Variants in ERC1 observed in about 807,000 individuals in gnomAD.
The protein encoded by ERC1 is RAB6 interacting protein 2.
Under a neutral mutation model 132.0 loss-of-function variants are expected in ERC1, and 56 were observed. The observed-to-expected ratio is 0.42, with a 90% confidence interval of 0.34 to 0.53. The LOEUF (loss-of-function observed/expected upper bound fraction) is 0.53. Ranked by LOEUF, ERC1 falls within the 20% of genes least tolerant of loss-of-function variation. The pLI, the probability that ERC1 is intolerant of heterozygous loss-of-function variation, is 0.03. For synonymous variants in ERC1, 478 were observed against 476.1 expected (o/e 1.00, Z -0.05); for missense variants, 1,202 against 1,349.9 (o/e 0.89, Z 1.72).
chr12:1,150,768 A>G (rs1407091084), intron 8 of ERC1, among the ~76,000 whole-genome samples: 5 of 152,232 alleles, frequency 3.3e-5, no homozygotes, highest in Non-Finnish European at 7.3e-5. Flanking sequence ...ACTGACTAGT[A>G]GTATTCAAAA....
intron 2 of ERC1, among the ~76,000 whole-genome samples, chr12:1,060,302 A>G (rs1215459087): frequency 1.3e-5 from 2 of 151,658 alleles, no homozygotes; most frequent in Non-Finnish European, 2.9e-5. Context: ...CATTAGGTAT[A>G]TCTCCTAATG....
intron 15 of ERC1, among the ~76,000 whole-genome samples, chr12:1,292,928 C>T (rs2079560182): frequency 6.6e-6 from 1 of 151,876 alleles, no homozygotes; most frequent in Admixed American, 6.6e-5. Context: ...TGGTGGATCA[C>T]AAGGTCAGGA....
At chr12:1,321,148 A>G (rs2082090463) in intron 15 of ERC1, among the ~76,000 whole-genome samples, 1 of 152,246 alleles carries the variant, frequency 6.6e-6, no homozygotes, top group Non-Finnish European at 1.5e-5. Flanking sequence ...AGTTAGAACT[A>G]AAATTAAGGG....
At chr12:1,190,096 G>A in intron 12 of ERC1, 44 bp downstream of exon 12, 1 of 1,512,948 alleles carries the variant, frequency 6.6e-7, no homozygotes, top group Non-Finnish European at 9.2e-7. Context: ...TTAAAGTATG[G>A]TTTTAAAAGT....
At position 1,460,958 on chromosome 12, in the gene ERC1, C is replaced by CTTTTTTTTTTTTTTTTTT. The variant is rs35505633; in HGVS notation, c.3213+16214_3213+16231dup. On this transcript the variant is annotated intron_variant, in intron 18 of 18. Coordinates refer to ENST00000360905, the MANE Select transcript of ERC1 (RefSeq NM_178040.4). ...GACTTGCCTAAACGATGAGGAGGCC[C>CTTTTTTTTTTTTTTTTTT]TTTTTTTTTTTTTTTTTTTTTTTCA... 2.7e-3 allele frequency among the ~76,000 whole-genome samples: 173 copies of CTTTTTTTTTTTTTTTTTT among 64,960 alleles called. 6 individuals carry two copies. Among genetic ancestry groups the CTTTTTTTTTTTTTTTTTT allele is most frequent in the Non-Finnish European group, 2.9e-3 (112 of 38,220 alleles). 42.6% of individuals were successfully genotyped at this position (64,960 alleles called of 152,430 possible).
At chr12:1,349,838 C>A (rs932849014) in intron 15 of ERC1, among the ~76,000 whole-genome samples, 5 of 152,094 alleles carry the variant, frequency 3.3e-5, no homozygotes, top group African/African-American at 1.2e-4. Flanking sequence ...GGTTAGACTT[C>A]CAGCTTTCCT....
intron 13 of ERC1, among the ~76,000 whole-genome samples, chr12:1,255,283 C>T (rs1003914412): frequency 1.3e-5 from 2 of 152,146 alleles, no homozygotes; most frequent in African/African-American, 4.8e-5. Context: ...GCTTATCCTT[C>T]TTTATGGCTG....
intron 1 of ERC1, among the ~76,000 whole-genome samples, chr12:1,010,669 C>G (rs1964535112): frequency 1.3e-5 from 2 of 151,534 alleles, no homozygotes; most frequent in Non-Finnish European, 2.9e-5. Context: ...TACCAGCACA[C>G]CTGGCTAATT....
chr12:1,030,521 T>G (rs1311359769), intron 2 of ERC1, among the ~76,000 whole-genome samples: 1 of 152,110 alleles, frequency 6.6e-6, no homozygotes, highest in Non-Finnish European at 1.5e-5. Flanking sequence ...GCCAGGAGTT[T>G]GAGACTAGCC....
intron 16 of ERC1, among the ~76,000 whole-genome samples, chr12:1,403,311 A>G (rs2091228927): frequency 6.6e-6 from 1 of 152,232 alleles, no homozygotes. Flanking sequence ...TCAAGAGGAA[A>G]AACATTTGGA....
chr12:1,021,591 C>T (rs543222740), intron 1 of ERC1, among the ~76,000 whole-genome samples: 4 of 151,406 alleles, frequency 2.6e-5, no homozygotes, highest in African/African-American at 7.3e-5. Context: ...CCCAGCTACT[C>T]GGGAGGCTGA....
intron 2 of ERC1, 119 bp downstream of exon 2, chr12:1,028,691 T>C (rs1446525824): frequency 1.3e-5 from 11 of 867,012 alleles, no homozygotes; most frequent in Non-Finnish European, 1.9e-5. Flanking sequence ...TTTTTCCTAT[T>C]GATTTTACTG....
At chr12:1,159,336 C>G (rs1951682095) in intron 8 of ERC1, among the ~76,000 whole-genome samples, 2 of 152,142 alleles carry the variant, frequency 1.3e-5, no homozygotes, top group South Asian at 4.1e-4. Context: ...ACCTAGATCC[C>G]TCGAATGCAC....
chr12:1,114,108 C>CT (rs1311001486), intron 6 of ERC1, among the ~76,000 whole-genome samples: 1 of 152,160 alleles, frequency 6.6e-6, no homozygotes, highest in African/African-American at 2.4e-5. Context: ...ACTGCAACCT[C>CT]TGACTCCCTG....
chr12:1,328,400 T>C (rs2082613302), intron 15 of ERC1, among the ~76,000 whole-genome samples: 1 of 151,290 alleles, frequency 6.6e-6, no homozygotes, highest in Admixed American at 6.6e-5. Context: ...TACCATGGCC[T>C]CCCAAAGTGC....
At chr12:1,457,760 G>A (rs1205774507) in intron 18 of ERC1, among the ~76,000 whole-genome samples, 1 of 152,132 alleles carries the variant, frequency 6.6e-6, no homozygotes, top group African/African-American at 2.4e-5. Context: ...AAGTATGGTG[G>A]TGCATGCCTG....
intron 12 of ERC1, among the ~76,000 whole-genome samples, chr12:1,223,677 T>C (rs967043670): frequency 3.9e-5 from 6 of 152,228 alleles, no homozygotes; most frequent in Non-Finnish European, 7.3e-5. Context: ...TGTGTGCTGG[T>C]GGAGAGAGTT....
In ERC1 at chr12:1,104,765, T is replaced by G. The variant is rs758202677; in HGVS notation, c.1102T>G (p.Phe368Val). 1.5e-5 allele frequency: 24 copies of G among 1,612,854 alleles called. No individual in the cohort carries two copies. The African/African-American group carries it at 2.3e-4, about 15-fold the overall frequency. ...TTTTCTACAGGAGATGCATCGAAGGTTTGAGAATGCTCCTGATTCTGCCAA... is the reference window on the plus strand; with the variant it reads ...TTTTCTACAGGAGATGCATCGAAGGGTTGAGAATGCTCCTGATTCTGCCAA... The part of the protein sequence containing the change: ...SMLREEMHRR[F>V]ENAPDSAKTK... Residue 368 changes from phenylalanine to valine, a missense_variant, in exon 4 of 19, where the codon TTT (phenylalanine) becomes GTT (valine). Physicochemically the swap from Phe to Val is conservative, Grantham distance 50 (BLOSUM62 -1). Coordinates refer to ENST00000360905, the MANE Select transcript of ERC1 (RefSeq NM_178040.4).
intron 18 of ERC1, among the ~76,000 whole-genome samples, chr12:1,455,364 G>A (rs965837379): frequency 3.3e-5 from 5 of 151,972 alleles, no homozygotes; most frequent in African/African-American, 1.2e-4. Flanking sequence ...TCTTCAGCAC[G>A]CCCCAACCCC....
Sources: allele counts gnomAD v4.1 joint callset (sites outside exome capture counted in the v4.1 genomes callset), GRCh38; gene constraint gnomAD v4.1.1; transcripts MANE v1.5; gene names NCBI Gene and HGNC (gene_info 2026-07-23, HGNC 2026-07-21).